Variants in TDP1 observed in about 807,000 individuals in gnomAD.
TDP1 encodes the protein tyrosyl-DNA phosphodiesterase 1.
TDP1 carries 64 observed loss-of-function variants against 81.5 expected under a neutral mutation model. The ratio of observed to expected loss-of-function variants is 0.79; its 90% CI spans 0.64 to 0.97. TDP1 has a LOEUF of 0.97. TDP1 is among the 50% of genes least tolerant of loss of function. TDP1 has a pLI of 0.00. For missense variants in TDP1, 723 were observed against 743.8 expected (o/e 0.97, Z 0.33); for synonymous variants, 256 against 264.3 (o/e 0.97, Z 0.30).
chr14:90,006,203 ATCT>A (rs1408565734), intron 14 of TDP1, among the ~76,000 whole-genome samples: 5 of 152,112 alleles, frequency 3.3e-5, no homozygotes, highest in African/African-American at 4.8e-5. Flanking sequence ...CAAGTGTCTA[ATCT>A]TCTTTAGTGT....
intron 7 of TDP1, among the ~76,000 whole-genome samples, chr14:89,977,087 G>A (rs1022464780): frequency 1.3e-5 from 2 of 152,076 alleles, no homozygotes; most frequent in African/African-American, 4.8e-5. Context: ...CCTGCAAGGC[G>A]GAGGTTGTGG....
chr14:89,988,893 A>T lies in TDP1; in HGVS notation c.1132-12A>T. On this transcript the variant is annotated splice_polypyrimidine_tract_variant and intron_variant, in intron 10 of 16. Transcript: ENST00000335725. ...TTGAGTCACTTTAACATTCACTTTT[A>T]TTCTTTCCCAGCTTCTGAAAGACCA... 4 of 1,613,976 alleles carry T rather than the reference A, an allele frequency of 2.5e-6. No homozygotes were observed. The highest frequency in any genetic ancestry group is 3.4e-6 in the Non-Finnish European group (4 of 1,179,884).
At chr14:90,025,014 A>T (rs1886489866) in intron 15 of TDP1, among the ~76,000 whole-genome samples, 1 of 152,122 alleles carries the variant, frequency 6.6e-6, no homozygotes, top group Non-Finnish European at 1.5e-5. Context: ...CTGTGTCCGC[A>T]CCACCCACAT....
At chr14:89,956,369 G>A (rs1891626745) in intron 1 of TDP1, 1 of 152,248 alleles carries the variant, frequency 6.6e-6, no homozygotes, top group Admixed American at 6.5e-5. Context: ...TAGGAGGACG[G>A]TCACGGTACG....
intron 15 of TDP1, among the ~76,000 whole-genome samples, chr14:90,032,110 G>A (rs1351675236): frequency 6.6e-6 from 1 of 152,196 alleles, no homozygotes; most frequent in Non-Finnish European, 1.5e-5. Context: ...GAAATAAAGT[G>A]TCGAATGAAC....
chr14:90,023,182 A>G (rs1403559171), intron 15 of TDP1: 1 of 700,870 alleles, frequency 1.4e-6, no homozygotes, highest in Non-Finnish European at 2.6e-6. Flanking sequence ...AAGAGGGACC[A>G]TGTGGTCTGC....
rs955174836 is a variant in TDP1, at chr14:89,971,416, C to T, written c.756+145C>T. The T allele has an allele frequency of 5.6e-6, 4 of 710,676 alleles. No individual in the cohort carries two copies. The African/African-American group carries it at 7.0e-5, about 12-fold the overall frequency. 44.0% of individuals were successfully genotyped at this position (710,676 alleles called of 1,614,324 possible). The stretch of plus-strand genomic sequence containing the variant: ...TATTTGTCTAGCCTCAGCTTAAACA[C>T]TTCCTGAGATAGAGCATCCCATTCA... On this transcript the variant is annotated intron_variant, in intron 6 of 16. Transcript: ENST00000335725.
intron 14 of TDP1, among the ~76,000 whole-genome samples, chr14:89,999,511 C>G (rs927808677): frequency 6.6e-6 from 1 of 152,116 alleles, no homozygotes; most frequent in Non-Finnish European, 1.5e-5. Context: ...TATTTTTCTA[C>G]TTTATTATTA....
rs1894252766 is a variant in TDP1, at chr14:89,975,898, A to G, written c.791+83A>G. ...CGGTTATTCTTAGGAGAGACTGAGC[A>G]TGGTAGGCCCACCTAGGATCTAGCA... On this transcript the variant is annotated intron_variant, in intron 7 of 16. Coordinates refer to ENST00000335725, the MANE Select transcript of TDP1 (RefSeq NM_018319.4). 1.5e-5 allele frequency: 17 copies of G among 1,111,846 alleles called. 1 individual carries two copies. The South Asian group carries it at 1.8e-4, about 12-fold the overall frequency. The allele number at this position is 1,111,846 out of a possible 1,614,324, so 68.9% of individuals were successfully genotyped here.
At chr14:90,009,549 G>A (rs567868539) in intron 14 of TDP1, among the ~76,000 whole-genome samples, 1 of 152,162 alleles carries the variant, frequency 6.6e-6, no homozygotes, top group Non-Finnish European at 1.5e-5. Context: ...ATAGTGGTTT[G>A]GGGAAAAGTC....
At position 89,971,368 on chromosome 14, in the gene TDP1, C is replaced by G. The variant is rs185347014; in HGVS notation, c.756+97C>G. ...CTCTCACTTAGTGCAGAAATCCTCT[C>G]TCCAGCATCAGTCATCAATAGATAT... On this transcript the variant is annotated intron_variant, in intron 6 of 16. Transcript: ENST00000335725. 32 of 873,544 alleles carry G rather than the reference C, an allele frequency of 3.7e-5. No homozygotes were observed. In the African/African-American group the frequency reaches 4.5e-4, roughly 12 times the overall value. The allele number at this position is 873,544 out of a possible 1,614,324, so 54.1% of individuals were successfully genotyped here. A position where few individuals can be genotyped will look rare whatever the true frequency, so the allele number is the denominator to read the frequency against.
intron 14 of TDP1, among the ~76,000 whole-genome samples, chr14:90,004,653 G>A (rs1897491284): frequency 6.6e-6 from 1 of 152,178 alleles, no homozygotes; most frequent in African/African-American, 2.4e-5. Context: ...AGTTATAGAT[G>A]ATGGACAAGA....
chr14:89,965,762 A>G (rs35833371), intron 3 of TDP1: 1 of 984,914 alleles, frequency 1.0e-6, no homozygotes, highest in Admixed American at 6.2e-5. Flanking sequence ...CTTTCTAGAA[A>G]GTTTTTCTAG....
At position 89,987,441 on chromosome 14, in the gene TDP1, T is replaced by G. The variant is rs565769442; in HGVS notation, c.1132-1464T>G. ...TCCAAAGCTGGCTTAGAGGAATAAGTACAGGCTTCCTGTCTTAAGGATACT... is the reference window on the plus strand; with the variant it reads ...TCCAAAGCTGGCTTAGAGGAATAAGGACAGGCTTCCTGTCTTAAGGATACT... On this transcript the variant is annotated intron_variant, in intron 10 of 16. Coordinates refer to ENST00000335725, the MANE Select transcript of TDP1 (RefSeq NM_018319.4). Among the ~76,000 whole-genome samples the G allele has an allele frequency of 1.8e-4, 28 of 152,360 alleles. 1 individual carries two copies. The highest frequency in any genetic ancestry group is 3.4e-3 in the Middle Eastern group (1 of 294).
rs940954955 is a variant in TDP1, at chr14:90,044,562, T to C, written c.*1419T>C. 6.6e-6 allele frequency: 1 copy of C among 152,194 alleles called. No individual in the cohort carries two copies. Among genetic ancestry groups the C allele is most frequent in the Non-Finnish European group, 1.5e-5 (1 of 68,022 alleles). 9.4% of individuals were successfully genotyped at this position (152,194 alleles called of 1,614,324 possible). A position where few individuals can be genotyped will look rare whatever the true frequency, so the allele number is the denominator to read the frequency against. ...AGGCCTAGGATTTTCCAAAAGTACC[T>C]TAGGAACCTTGTAGGCTGCAGTGGG... On this transcript the variant is annotated 3_prime_UTR_variant, in exon 17 of 17. Transcript: ENST00000335725.
At chr14:89,978,940 T>C (rs1327162046) in intron 7 of TDP1, among the ~76,000 whole-genome samples, 1 of 152,164 alleles carries the variant, frequency 6.6e-6, no homozygotes, top group Non-Finnish European at 1.5e-5. Context: ...AATATCTCAT[T>C]CTCTTGTCTC....
At chr14:90,037,109 GC>G (rs1887897450) in intron 16 of TDP1, among the ~76,000 whole-genome samples, 1 of 152,138 alleles carries the variant, frequency 6.6e-6, no homozygotes, top group Non-Finnish European at 1.5e-5. Context: ...ACCACACCTG[GC>G]CCAAAGAAGG....
intron 5 of TDP1, among the ~76,000 whole-genome samples, chr14:89,968,360 A>G (rs896475592): frequency 5.9e-5 from 9 of 152,126 alleles, no homozygotes; most frequent in South Asian, 2.1e-4. Context: ...CCATCCTTGT[A>G]TGTGACTTCA....
intron 15 of TDP1, among the ~76,000 whole-genome samples, chr14:90,025,368 G>A (rs887180794): frequency 6.6e-6 from 1 of 152,136 alleles, no homozygotes; most frequent in African/African-American, 2.4e-5. Flanking sequence ...CTGATAAGTC[G>A]CTGGTACCAT....
Sources: gnomAD v4.1 joint callset for allele counts (sites outside exome capture counted in the v4.1 genomes callset) on GRCh38, gnomAD v4.1.1 for gene constraint, MANE v1.5 for transcripts, NCBI Gene and HGNC (gene_info 2026-07-23, HGNC 2026-07-21) for gene names.